Variants in MANEA observed in about 807,000 individuals in gnomAD.
MANEA encodes glycoprotein endo-alpha-1,2-mannosidase.
In MANEA, 25 loss-of-function variants were observed where a neutral mutation model predicts 36.8. The observed-to-expected ratio is 0.68, with a 90% CI of 0.50 to 0.95. MANEA has a LOEUF of 0.95. Ranked by LOEUF, MANEA falls within the 40% of genes least tolerant of loss-of-function variation. The pLI, the probability that MANEA is intolerant of heterozygous loss-of-function variation, is 0.00. For missense variants in MANEA, 565 were observed against 558.8 expected (o/e 1.01, Z -0.11); for synonymous variants, 198 against 188.5 (o/e 1.05, Z -0.41).
In MANEA at chr6:95,587,401, A is replaced by G. The variant is rs144890517; in HGVS notation, c.544+418A>G. The stretch of plus-strand genomic sequence containing the variant: ...CAAAAAGTCTCATCATAATTCCTTT[A>G]TTCAGGCCTACCTTCTCCCCTACCG... On this transcript the variant is annotated intron_variant, in intron 2 of 4. Transcript: ENST00000358812. 9.7e-4 allele frequency: 172 copies of G among 178,138 alleles called. 1 individual carries two copies. The highest frequency in any genetic ancestry group is 1.6e-3 in the Non-Finnish European group (124 of 77,870). The allele number at this position is 178,138 out of a possible 1,614,324, so 11.0% of individuals were successfully genotyped here. A position where few individuals can be genotyped will look rare whatever the true frequency, so the allele number is the denominator to read the frequency against.
At chr6:95,581,510 CTTTTCATTTAT>C (rs141882952) in intron 1 of MANEA, among the ~76,000 whole-genome samples, 7,468 of 152,170 alleles carry the variant, frequency 0.049, 233 homozygotes, top group Middle Eastern at 0.068. Flanking sequence ...TATTTCTTCA[CTTTTCATTTAT>C]TTATAAATTC....
chr6:95,606,462 C>T lies in MANEA; in HGVS notation c.*57C>T, dbSNP rs543483790. 47 of 1,308,602 alleles carry T rather than the reference C, an allele frequency of 3.6e-5. No homozygotes were observed. Among genetic ancestry groups the T allele is most frequent in the African/African-American group, 1.0e-4 (7 of 67,220 alleles). 81.1% of individuals were successfully genotyped at this position (1,308,602 alleles called of 1,614,324 possible). On this transcript the variant is annotated 3_prime_UTR_variant, in exon 5 of 5. Transcript: ENST00000358812. ...TCACCTAATTTTTAAAAATAGCTTTCGTTTTGAGTTCTGGAAAGAAAACTG... is the reference window on the plus strand; with the variant it reads ...TCACCTAATTTTTAAAAATAGCTTTTGTTTTGAGTTCTGGAAAGAAAACTG...
At chr6:95,577,860 GT>G (rs767925762) in intron 1 of MANEA, among the ~76,000 whole-genome samples, 11 of 152,248 alleles carry the variant, frequency 7.2e-5, no homozygotes, top group Non-Finnish European at 1.3e-4. Flanking sequence ...TCTTAGGCCT[GT>G]TTTAGTCTGC....
chr6:95,580,105 A>G lies in MANEA; in HGVS notation c.-39+2467A>G, dbSNP rs113578098. ...AAGATGATTTTTTTTATTAAATTGGATTTTTAAAATTATTGGATCTTTACG... is the reference window on the plus strand; with the variant it reads ...AAGATGATTTTTTTTATTAAATTGGGTTTTTAAAATTATTGGATCTTTACG... On this transcript the variant is annotated intron_variant, in intron 1 of 4. Coordinates refer to ENST00000358812, the MANE Select transcript of MANEA (RefSeq NM_024641.4). Among the ~76,000 whole-genome samples, 821 of 152,010 alleles carry G rather than the reference A, an allele frequency of 5.4e-3. 7 individuals carry two copies. Among genetic ancestry groups the G allele is most frequent in the African/African-American group, 0.019 (787 of 41,432 alleles).
chr6:95,588,386 GACTA>G (rs1156721386), intron 2 of MANEA: 11 of 151,944 alleles, frequency 7.2e-5, no homozygotes, highest in Admixed American at 1.3e-4. Flanking sequence ...TCCTTGTATG[GACTA>G]ACTTTTTTCA....
intron 1 of MANEA, among the ~76,000 whole-genome samples, chr6:95,581,475 C>T (rs143918819): frequency 6.6e-6 from 1 of 152,022 alleles, no homozygotes; most frequent in Admixed American, 6.5e-5. Context: ...GAAAATGAAC[C>T]TAAGAAATTT....
intron 2 of MANEA, chr6:95,588,408 A>G (rs1053829692): frequency 1.3e-5 from 2 of 152,020 alleles, no homozygotes; most frequent in Non-Finnish European, 2.9e-5. Context: ...TCAAGTATTT[A>G]TAAAATTTAA....
intron 2 of MANEA, among the ~76,000 whole-genome samples, chr6:95,591,981 C>T (rs1053759179): frequency 5.9e-5 from 9 of 152,184 alleles, no homozygotes; most frequent in African/African-American, 1.7e-4. Context: ...GGATTACAGG[C>T]GTCAGCCACC....
chr6:95,578,240 C>T (rs1368025280), intron 1 of MANEA, among the ~76,000 whole-genome samples: 1 of 152,154 alleles, frequency 6.6e-6, no homozygotes, highest in Admixed American at 6.5e-5. Flanking sequence ...TTTGCTAAGT[C>T]GGGATGCAAC....
rs2127946751 is a variant in MANEA at position 95,607,547 on chromosome 6, A to G, written c.*1142A>G. 1 of 151,992 alleles carries G rather than the reference A, an allele frequency of 6.6e-6. No homozygotes were observed. The highest frequency in any genetic ancestry group is 2.1e-4 in the South Asian group (1 of 4,814). The allele number at this position is 151,992 out of a possible 1,614,324, so 9.4% of individuals were successfully genotyped here. A position where few individuals can be genotyped will look rare whatever the true frequency, so the allele number is the denominator to read the frequency against. ...TTTAGCACTGTATCAGAATGAAGAA[A>G]CTAATATTTTACATAAAAACTAATA... is the stretch of plus-strand genomic sequence containing the variant. On this transcript the variant is annotated 3_prime_UTR_variant, in exon 5 of 5. Transcript: ENST00000358812.
In MANEA at chr6:95,606,303, T is replaced by A. The variant is rs1463753615; in HGVS notation, c.1287T>A (p.Pro429=). 1 of 1,612,462 alleles carries A rather than the reference T, an allele frequency of 6.2e-7. No homozygotes were observed. The highest frequency in any genetic ancestry group is 1.7e-5 in the Admixed American group (1 of 59,990). Residue 429 remains proline, a synonymous_variant, in exon 5 of 5, where the codon CCT becomes CCA. Transcript: ENST00000358812. ...ATACAGTGTACCTAGATTACCGTCC[T>A]CATAAACCAGGTCTTTACCTAGAAC... ...TSNTVYLDYR[P]HKPGLYLELT... is the part of the protein sequence containing the mutation.
intron 1 of MANEA, among the ~76,000 whole-genome samples, chr6:95,581,024 T>C (rs990079638): frequency 1.3e-5 from 2 of 152,312 alleles, no homozygotes; most frequent in East Asian, 3.9e-4. Context: ...AGTTTTACAA[T>C]ATTAACTAAT....
At chr6:95,598,046 A>AT (rs11431676) in intron 3 of MANEA, among the ~76,000 whole-genome samples, 79,206 of 151,546 alleles carry the variant, frequency 0.52, 21,093 homozygotes, top group East Asian at 0.8. Context: ...ACTAAAATTA[A>AT]TTTTTTTTGG....
Position 95,609,186 on chromosome 6 carries a change from TATA to T in MANEA, c.*2785_*2787del, listed in dbSNP as rs1676212738. 1 of 151,874 alleles carries T rather than the reference TATA, an allele frequency of 6.6e-6. No individual in the cohort carries two copies. Among genetic ancestry groups the T allele is most frequent in the East Asian group, 1.9e-4 (1 of 5,188 alleles). 9.4% of individuals were successfully genotyped at this position (151,874 alleles called of 1,614,324 possible). Reference sequence around the variant, plus strand: ...TTCAATATGGTATAACTTAAAGTGGTATAATACATACAATGCATGAATCATAAT... The same window carrying T: ...TTCAATATGGTATAACTTAAAGTGGTATACATACAATGCATGAATCATAAT... On this transcript the variant is annotated 3_prime_UTR_variant, in exon 5 of 5. Coordinates refer to ENST00000358812, the MANE Select transcript of MANEA (RefSeq NM_024641.4).
In MANEA at chr6:95,606,936, A is replaced by C. The variant is rs1203668942; in HGVS notation, c.*531A>C. ...TAATGAGGAAATTCTTAAGAATAAC[A>C]AAATCACTGTACCTTCCTCTCAATT... On this transcript the variant is annotated 3_prime_UTR_variant, in exon 5 of 5. Transcript: ENST00000358812. The C allele has an allele frequency of 6.6e-6, 1 of 152,156 alleles. No homozygotes were observed. The highest frequency in any genetic ancestry group is 1.5e-5 in the Non-Finnish European group (1 of 68,014). 9.4% of individuals were successfully genotyped at this position (152,156 alleles called of 1,614,324 possible). A position where few individuals can be genotyped will look rare whatever the true frequency, so the allele number is the denominator to read the frequency against.
chr6:95,578,027 C>G (rs918721071), intron 1 of MANEA, among the ~76,000 whole-genome samples: 2 of 152,202 alleles, frequency 1.3e-5, no homozygotes, highest in East Asian at 1.9e-4. Flanking sequence ...TCAGCACCTT[C>G]TCCTTGTGCC....
At chr6:95,595,523 A>G (rs1253064500) in intron 2 of MANEA, among the ~76,000 whole-genome samples, 2 of 152,150 alleles carry the variant, frequency 1.3e-5, no homozygotes, top group South Asian at 2.1e-4. Flanking sequence ...TTATTTGTAC[A>G]TGGCGGCTAG....
Position 95,606,067 on chromosome 6 carries a change from A to G in MANEA, c.1051A>G (p.Ile351Val), listed in dbSNP as rs764206515. 2 of 1,613,840 alleles carry G rather than the reference A, an allele frequency of 1.2e-6. No individual in the cohort carries two copies. Among genetic ancestry groups the G allele is most frequent in the Non-Finnish European group, 8.5e-7 (1 of 1,179,784 alleles). The stretch of plus-strand genomic sequence containing the variant: ...ATTATTTTGTGATAAATACAACTTA[A>G]TATTTATCCCAAGTGTGGGCCCAGG... ...LKLFCDKYNL[I>V]FIPSVGPGYI... Residue 351 changes from isoleucine (I) to valine (V), a missense_variant, in exon 5 of 5, where the codon ATA becomes GTA. By Grantham distance (29) the Ile-to-Val change is conservative (BLOSUM62 3). Coordinates refer to ENST00000358812, the MANE Select transcript of MANEA (RefSeq NM_024641.4).
chr6:95,591,707 T>C (rs527816203), intron 2 of MANEA, among the ~76,000 whole-genome samples: 79 of 152,276 alleles, frequency 5.2e-4, no homozygotes, highest in African/African-American at 1.8e-3. Context: ...ATTATTGTTA[T>C]TGTTTTATGA....
Sources: allele counts gnomAD v4.1 joint callset (sites outside exome capture counted in the v4.1 genomes callset), GRCh38; gene constraint gnomAD v4.1.1; transcripts MANE v1.5; gene names NCBI Gene and HGNC (gene_info 2026-07-23, HGNC 2026-07-21).